The following SIPA1L1 variants were observed in gnomAD, a reference collection of about 807,000 sequenced individuals.
SIPA1L1 encodes signal induced proliferation associated 1 like 1.
A neutral mutation model predicts 162.7 loss-of-function variants in SIPA1L1; 26 were observed. The observed-to-expected ratio is 0.16, with a 90% CI of 0.12 to 0.22. The LOEUF (loss-of-function observed/expected upper bound fraction) is 0.22. Among genes scored for constraint, SIPA1L1 ranks in the 10% least tolerant of loss-of-function variants. The pLI is 1.00. For synonymous variants in SIPA1L1, 829 were observed against 837.4 expected (o/e 0.99, Z 0.17); for missense variants, 1,874 against 2,241.0 (o/e 0.84, Z 3.31).
chr14:71,548,267 T>C (rs559857030), intron 4 of SIPA1L1, among the ~76,000 whole-genome samples: 1 of 152,368 alleles, frequency 6.6e-6, no homozygotes, highest in South Asian at 2.1e-4. Flanking sequence ...TGCTTAAGTG[T>C]AAGGTCAGAA....
chr14:71,531,862 A>G (rs1343921111), intron 4 of SIPA1L1, among the ~76,000 whole-genome samples: 1 of 152,174 alleles, frequency 6.6e-6, no homozygotes, highest in African/African-American at 2.4e-5. Flanking sequence ...TTCCCTTACT[A>G]TTGGGGGAGT....
At chr14:71,716,120 A>C (rs1356718377) in intron 17 of SIPA1L1, among the ~76,000 whole-genome samples, 1 of 117,210 alleles carries the variant, frequency 8.5e-6, no homozygotes, top group Non-Finnish European at 1.6e-5. Flanking sequence ...CTTCTTTGTC[A>C]ACTTAATCAT....
chr14:71,740,258 C>T lies in SIPA1L1; in HGVS notation c.*1097C>T, dbSNP rs1264621657. 6.6e-6 allele frequency: 1 copy of T among 152,212 alleles called. No homozygotes were observed. Among genetic ancestry groups the T allele is most frequent in the Non-Finnish European group, 1.5e-5 (1 of 68,044 alleles). The allele number at this position is 152,212 out of a possible 1,614,324, so 9.4% of individuals were successfully genotyped here. ...TACTAGAATGGGCTTTTGAAACCTGCATGTCCCAGTGTGAAATTTCAGCAC... is the reference window on the plus strand; with the variant it reads ...TACTAGAATGGGCTTTTGAAACCTGTATGTCCCAGTGTGAAATTTCAGCAC... On this transcript the variant is annotated 3_prime_UTR_variant, in exon 24 of 24. Transcript: ENST00000381232.
chr14:71,495,052 A>G (rs546101647), intron 2 of SIPA1L1, among the ~76,000 whole-genome samples: 1 of 152,198 alleles, frequency 6.6e-6, no homozygotes, highest in African/African-American at 2.4e-5. Context: ...TTAATTGAGA[A>G]TTTTTGTTTG....
intron 17 of SIPA1L1, 31 bp from the exon 18 acceptor site, chr14:71,723,616 A>G (rs751052679): frequency 6.2e-7 from 1 of 1,612,278 alleles, no homozygotes; most frequent in East Asian, 2.2e-5. Context: ...TGATCCTGAG[A>G]TACACATGTC....
At chr14:71,320,846 G>A (rs953226299) in intron 1 of SIPA1L1, among the ~76,000 whole-genome samples, 8 of 152,006 alleles carry the variant, frequency 5.3e-5, no homozygotes, top group African/African-American at 9.7e-5. Flanking sequence ...GCGAGCGGGG[G>A]CCCGGGCGCC....
At chr14:71,587,229 T>C in intron 4 of SIPA1L1, among the ~76,000 whole-genome samples, 1 of 152,212 alleles carries the variant, frequency 6.6e-6, no homozygotes, top group Non-Finnish European at 1.5e-5. Flanking sequence ...CATGATGTTC[T>C]ACATTTTTAG....
chr14:71,508,635 A>G lies in SIPA1L1; in HGVS notation c.-464-4108A>G, dbSNP rs182069134. Among the ~76,000 whole-genome samples, 15 of 152,250 alleles carry G rather than the reference A, an allele frequency of 9.9e-5. No individual in the cohort carries two copies. In the East Asian group the frequency reaches 2.3e-3, roughly 23 times the overall value. On this transcript the variant is annotated intron_variant, in intron 2 of 23. Coordinates refer to ENST00000381232, the MANE Select transcript of SIPA1L1 (RefSeq NM_001386936.1). ...ATGCTGATTCACCTTGCATACTTTT[A>G]TTTCCGAACAAATATGTTTTAACCA...
intron 17 of SIPA1L1, among the ~76,000 whole-genome samples, chr14:71,714,175 T>G (rs2083088412): frequency 6.6e-6 from 1 of 152,194 alleles, no homozygotes; most frequent in Admixed American, 6.5e-5. Flanking sequence ...TGATTTGGCC[T>G]AAGCGATCTT....
intron 8 of SIPA1L1, among the ~76,000 whole-genome samples, chr14:71,652,171 C>G (rs375696384): frequency 6.6e-6 from 1 of 152,174 alleles, no homozygotes; most frequent in African/African-American, 2.4e-5. Context: ...GCAAAATCAT[C>G]TCTTTTACTC....
intron 2 of SIPA1L1, among the ~76,000 whole-genome samples, chr14:71,491,392 A>G (rs1307907490): frequency 2.0e-5 from 3 of 152,170 alleles, no homozygotes; most frequent in Non-Finnish European, 4.4e-5. Flanking sequence ...TATATCTCCA[A>G]ACTGACATTG....
chr14:71,470,101 A>G (rs1284353429), intron 2 of SIPA1L1, among the ~76,000 whole-genome samples: 1 of 152,216 alleles, frequency 6.6e-6, no homozygotes, highest in African/African-American at 2.4e-5. Context: ...AGACAGGGAA[A>G]TGATTAAATC....
intron 7 of SIPA1L1, among the ~76,000 whole-genome samples, chr14:71,625,827 A>G (rs944531228): frequency 3.3e-5 from 5 of 152,224 alleles, no homozygotes; most frequent in Non-Finnish European, 7.3e-5. Context: ...AAAACAGATT[A>G]TTTTATGTAA....
chr14:71,709,150 A>C, intron 16 of SIPA1L1, 72 bp from the exon 17 acceptor site: 1 of 1,256,922 alleles, frequency 8.0e-7, no homozygotes, highest in Non-Finnish European at 1.1e-6. Context: ...AATTAATCAC[A>C]GTGTCATTTC....
rs575402605 is a variant in SIPA1L1, at chr14:71,383,595, A to AG, written c.-465+62415dup. On this transcript the variant is annotated intron_variant, in intron 2 of 23. Transcript: ENST00000381232. ...AGCTCATGGTTCTGCAAGCGGTACT[A>AG]GCATGGCACAGTCATTTGCTCAGCT... Among the ~76,000 whole-genome samples, 39 of 152,294 alleles carry AG rather than the reference A, an allele frequency of 2.6e-4. No individual in the cohort carries two copies. In the South Asian group the frequency reaches 7.9e-3, roughly 31 times the overall value.
chr14:71,536,586 C>A (rs2053926631), intron 4 of SIPA1L1, among the ~76,000 whole-genome samples: 1 of 152,108 alleles, frequency 6.6e-6, no homozygotes, highest in Non-Finnish European at 1.5e-5. Context: ...GAAACTCCAC[C>A]CCTGGAAGAA....
rs545644541 is a variant in SIPA1L1 at position 71,648,915 on chromosome 14, C to T, written c.1819-1420C>T. Among the ~76,000 whole-genome samples the T allele has an allele frequency of 2.6e-5, 4 of 152,330 alleles. No homozygotes were observed. The South Asian group carries it at 8.3e-4, about 32-fold the overall frequency. The stretch of plus-strand genomic sequence containing the variant: ...CTCCCTACTGTACTAGTTCCTCTCT[C>T]TTGCATTCTCTGATCTCTTTGCTCA... On this transcript the variant is annotated intron_variant, in intron 7 of 23. Transcript: ENST00000381232.
intron 4 of SIPA1L1, among the ~76,000 whole-genome samples, chr14:71,541,809 C>T (rs2054410120): frequency 6.6e-6 from 1 of 152,082 alleles, no homozygotes; most frequent in Admixed American, 6.6e-5. Flanking sequence ...TATGTTGACA[C>T]AATGCATACA....
chr14:71,717,346 C>T (rs1409556612), intron 17 of SIPA1L1, among the ~76,000 whole-genome samples: 1 of 152,158 alleles, frequency 6.6e-6, no homozygotes, highest in Admixed American at 6.5e-5. Flanking sequence ...TTAGTAGTTT[C>T]TTCATGTAGA....
Sources: allele counts gnomAD v4.1 joint callset (sites outside exome capture counted in the v4.1 genomes callset), GRCh38; gene constraint gnomAD v4.1.1; transcripts MANE v1.5; gene names NCBI Gene and HGNC (gene_info 2026-07-23, HGNC 2026-07-21).